LILRB2: variants seen among roughly 807,000 people sequenced by gnomAD.
LILRB2 encodes leukocyte immunoglobulin-like receptor subfamily B member 2.
In LILRB2, 47 loss-of-function variants were observed where a neutral mutation model predicts 72.7. That is an observed-to-expected ratio of 0.65 (90% CI 0.51 to 0.82). LILRB2 has a LOEUF of 0.82. Among genes scored for constraint, LILRB2 ranks in the 40% least tolerant of loss-of-function variants. The pLI is 0.00. For missense variants in LILRB2, 767 were observed against 764.8 expected (o/e 1.00, Z -0.03); for synonymous variants, 279 against 313.7 (o/e 0.89, Z 1.17).
In LILRB2 at chr19:54,278,350, G is replaced by A. The variant is rs966354727; in HGVS notation, c.1168C>T (p.His390Tyr). ...EFPMSPVTSAHAGTYRCYGSL... is the reference protein window; with the variant it reads ...EFPMSPVTSAYAGTYRCYGSL... ...CCGTAGCACCTGTAGGTCCCCGCGT[G>A]GGCTGAGGTCACAGGACTCATGGGG... Residue 390 changes from histidine to tyrosine, a missense_variant, in exon 7 of 14, where the codon CAC (histidine) becomes TAC (tyrosine). Physicochemically the swap from His to Tyr is moderately conservative, Grantham distance 83. Coordinates refer to ENST00000314446, the MANE Select transcript of LILRB2 (RefSeq NM_001080978.4). 6.8e-6 allele frequency: 11 copies of A among 1,614,108 alleles called. No individual in the cohort carries two copies. Among genetic ancestry groups the A allele is most frequent in the Non-Finnish European group, 8.5e-6 (10 of 1,180,038 alleles).
In LILRB2 at chr19:54,280,316, T is replaced by A. The variant is rs374327617; in HGVS notation, c.35-17A>T. On this transcript the variant is annotated splice_polypyrimidine_tract_variant and intron_variant, in intron 2 of 13. Transcript: ENST00000314446. ...GACTCAGCCCTGGAAGAGAGTTCCCTGTGAGGGATTTGCCCCCTGAAGCCT... is the reference window on the plus strand; with the variant it reads ...GACTCAGCCCTGGAAGAGAGTTCCCAGTGAGGGATTTGCCCCCTGAAGCCT... The A allele has an allele frequency of 7.7e-5, 125 of 1,614,048 alleles. No individual in the cohort carries two copies. Among genetic ancestry groups the A allele is most frequent in the Non-Finnish European group, 9.7e-5 (115 of 1,180,018 alleles).
At chr19:54,277,296 C>G (rs1569098234) in intron 9 of LILRB2, 3 of 1,398,974 alleles carry the variant, frequency 2.1e-6, no homozygotes, top group Admixed American at 4.1e-5. Context: ...TGGGACGGGA[C>G]AGGCCCCCGC....
Position 54,279,970 on chromosome 19 carries a change from C to T in LILRB2, c.176G>A (p.Arg59His), listed in dbSNP as rs141797988. 1.9e-4 allele frequency: 306 copies of T among 1,614,050 alleles called. No individual in the cohort carries two copies. Among genetic ancestry groups the T allele is most frequent in the Non-Finnish European group, 2.2e-4 (257 of 1,180,002 alleles). Reference sequence around the variant, plus strand: ...TGCTGATTTTTTCTCCCTATATAGACGGTACTCCTGGGCTTCAAGGCTCCC... The same window carrying T: ...TGCTGATTTTTTCTCCCTATATAGATGGTACTCCTGGGCTTCAAGGCTCCC... ...CQGSLEAQEY[R>H]LYREKKSASW... The change falls in exon 4 of 14, where the codon CGT (arginine) becomes CAT (histidine). Residue 59 changes from arginine to histidine, a missense_variant. Physicochemically the swap from Arg to His is conservative, Grantham distance 29 (BLOSUM62 0). Around this residue, in one of 3 missense-constraint regions of LILRB2, gnomAD observed 599 missense variants for 568.2 expected, o/e 1.05. Transcript: ENST00000314446.
At chr19:54,276,332 T>C (rs2080224021) in intron 11 of LILRB2, 31 bp from the exon 12 acceptor site, 6 of 1,613,646 alleles carry the variant, frequency 3.7e-6, no homozygotes, top group Non-Finnish European at 5.1e-6. Flanking sequence ...TTAGGGGCAG[T>C]GTATGGGCCA....
rs1405533997 is a variant in LILRB2 at position 54,275,513 on chromosome 19, A to G, written c.1647+438T>C. On this transcript the variant is annotated intron_variant, in intron 13 of 13. Transcript: ENST00000314446. ...TTGCACTCCTGGACATGGCGCATTT[A>G]TTTGCATTTTGTCTCCCACCATGAG... The G allele has an allele frequency of 1.7e-4, 86 of 511,640 alleles. 1 individual carries two copies. The highest frequency in any genetic ancestry group is 1.1e-3 in the South Asian group (71 of 64,744). 31.7% of individuals were successfully genotyped at this position (511,640 alleles called of 1,614,324 possible). A position where few individuals can be genotyped will look rare whatever the true frequency, so the allele number is the denominator to read the frequency against.
rs1348565881 is a variant in LILRB2, at chr19:54,278,409, G to A, written c.1109C>T (p.Ser370Leu). 3.1e-6 allele frequency: 5 copies of A among 1,614,082 alleles called. No homozygotes were observed. The highest frequency in any genetic ancestry group is 4.2e-6 in the Non-Finnish European group (5 of 1,180,024). Residue 370 changes from serine to leucine, a missense_variant, in exon 7 of 14, where the codon TCA becomes TTA. Physicochemically the swap from Ser to Leu is moderately radical, Grantham distance 145. Around this residue, in one of 3 missense-constraint regions of LILRB2, gnomAD observed 599 missense variants for 568.2 expected, o/e 1.05. Transcript: ENST00000314446. ...GAADAPLRLR[S>L]IHEYPKYQAE... ...CTGGTACTTAGGATATTCGTGTATT[G>A]ATCTTAGACGGAGTGGGGCATCAGC...
In LILRB2 at chr19:54,278,270, G is replaced by A. The variant is rs759753568; in HGVS notation, c.1248C>T (p.Leu416=). The A allele has an allele frequency of 2.2e-5, 35 of 1,614,050 alleles. No individual in the cohort carries two copies. The highest frequency in any genetic ancestry group is 1.9e-4 in the South Asian group (17 of 91,092). Residue 416 remains leucine (L), a synonymous_variant, in exon 7 of 14, where the codon CTC becomes CTT. Coordinates refer to ENST00000314446, the MANE Select transcript of LILRB2 (RefSeq NM_001080978.4). ...LLSHPSEPLE[L]VVSGPSMGSS... is the part of the protein sequence containing the mutation. ...GGTCAAGGCCCCCACCTGAGACCAC[G>A]AGCTCCAGGGGCTCACTGGGGTGAG...
intron 9 of LILRB2, 156 bp downstream of exon 9, chr19:54,277,394 T>G: frequency 7.8e-7 from 1 of 1,283,690 alleles, no homozygotes; most frequent in South Asian, 1.4e-5. Context: ...CTTTCCCACC[T>G]GCAGGCCTCT....
intron 4 of LILRB2, 33 bp downstream of exon 4, chr19:54,279,757 AG>A (rs745713139): frequency 2.9e-5 from 47 of 1,612,160 alleles, no homozygotes; most frequent in East Asian, 2.7e-4. Context: ...CTGAGGGCAG[AG>A]CCTGGGGCTG....
intron 11 of LILRB2, 27 bp from the exon 12 acceptor site, chr19:54,276,328 G>A: frequency 6.2e-7 from 1 of 1,614,066 alleles, no homozygotes; most frequent in Non-Finnish European, 8.5e-7. Context: ...AGCTTTAGGG[G>A]CAGTGTATGG....
rs548558459 is a variant in LILRB2, at chr19:54,274,593, G to C, written c.*90C>G. ...TTTGTTAGGGGTCCAGGCTGACTGG[G>C]GTTCATTGGTGTCCACTGGGGGCAG... On this transcript the variant is annotated 3_prime_UTR_variant, in exon 14 of 14. Coordinates refer to ENST00000314446, the MANE Select transcript of LILRB2 (RefSeq NM_001080978.4). The C allele has an allele frequency of 3.1e-6, 5 of 1,598,106 alleles. 1 individual carries two copies. The East Asian group carries it at 1.1e-4, about 36-fold the overall frequency.
At chr19:54,279,737 A>G (rs1198177311) in intron 4 of LILRB2, 54 bp downstream of exon 4, 1 of 1,609,464 alleles carries the variant, frequency 6.2e-7, no homozygotes, top group Non-Finnish European at 8.5e-7. Flanking sequence ...CACCCCTGAG[A>G]GCCTCCTTCC....
chr19:54,280,074 C>T lies in LILRB2; in HGVS notation c.72G>A (p.Gly24=). 6.2e-7 allele frequency: 1 copy of T among 1,613,558 alleles called. No individual in the cohort carries two copies. The highest frequency in any genetic ancestry group is 1.3e-5 in the African/African-American group (1 of 74,950). ...SLGPRTRVQT[G]TIPKPTLWAE... ...CCCACAGGGTGGGCTTGGGGATGGT[C>T]CCTGGAAGGAAATCAAAGGTCAGAT... The change falls in exon 4 of 14, where the codon GGG becomes GGA. Residue 24 remains glycine (G), a splice_region_variant and synonymous_variant. Coordinates refer to ENST00000314446, the MANE Select transcript of LILRB2 (RefSeq NM_001080978.4).
rs1252724458 is a variant in LILRB2 at position 54,279,395 on chromosome 19, G to A, written c.608C>T (p.Ser203Phe). 1 of 1,614,134 alleles carries A rather than the reference G, an allele frequency of 6.2e-7. No individual in the cohort carries two copies. Among genetic ancestry groups the A allele is most frequent in the Non-Finnish European group, 8.5e-7 (1 of 1,180,018 alleles). Residue 203 changes from serine (S) to phenylalanine (F), a missense_variant, in exon 5 of 14, where the codon TCT becomes TTT. Physicochemically the swap from Ser to Phe is radical, Grantham distance 155. Transcript: ENST00000314446. ...ACTGGGTGAAGACCACACATAGGGA[G>A]AGTTCAAGTCATAACCATAGCACCT... is the stretch of plus-strand genomic sequence containing the variant. ...SHRCYGYDLNSPYVWSSPSDL... is the reference protein window; with the variant it reads ...SHRCYGYDLNFPYVWSSPSDL...
At chr19:54,276,568 C>T in intron 10 of LILRB2, 112 bp from the exon 11 acceptor site, 1 of 1,424,360 alleles carries the variant, frequency 7.0e-7, no homozygotes, top group Non-Finnish European at 9.5e-7. Flanking sequence ...CTCCATGTTC[C>T]AAATGCCTCA....
At chr19:54,279,233 T>C in intron 5 of LILRB2, 112 bp downstream of exon 5, 1 of 1,539,164 alleles carries the variant, frequency 6.5e-7, no homozygotes, top group Non-Finnish European at 8.8e-7. Context: ...CCCTGAGCCC[T>C]CTCGCCCCAA....
At chr19:54,278,638 C>G in intron 6 of LILRB2, 76 bp from the exon 7 acceptor site, 1 of 1,348,320 alleles carries the variant, frequency 7.4e-7, no homozygotes, top group Non-Finnish European at 9.9e-7. Flanking sequence ...TCTCTAGGAG[C>G]CTCTGTCTCT....
chr19:54,276,944 T>A lies in LILRB2; in HGVS notation c.1358-15A>T. On this transcript the variant is annotated splice_polypyrimidine_tract_variant and intron_variant, in intron 9 of 13. Transcript: ENST00000314446. ...CCTTCCCAGACCTTGAGCACGATGA[T>A]GTCAGGGATGGGGGTGATGTCATTG... 6.3e-7 allele frequency: 1 copy of A among 1,576,180 alleles called. No homozygotes were observed. Among genetic ancestry groups the A allele is most frequent in the Non-Finnish European group, 8.7e-7 (1 of 1,152,204 alleles).
In LILRB2 at chr19:54,278,253, C is replaced by A. The variant is rs2080340085; in HGVS notation, c.1258+7G>T. 4 of 1,614,018 alleles carry A rather than the reference C, an allele frequency of 2.5e-6. No individual in the cohort carries two copies. Among genetic ancestry groups the A allele is most frequent in the Non-Finnish European group, 3.4e-6 (4 of 1,179,944 alleles). On this transcript the variant is annotated splice_region_variant and intron_variant, in intron 7 of 13. Transcript: ENST00000314446. ...GAGCTCAGAGAGGACAGGGTCAAGG[C>A]CCCCACCTGAGACCACGAGCTCCAG...
Sources: allele counts gnomAD v4.1 joint callset, GRCh38; gene constraint gnomAD v4.1.1; regional missense constraint gnomAD v4.1.1; transcripts MANE v1.5; gene names NCBI Gene and HGNC (gene_info 2026-07-23, HGNC 2026-07-21).